OSBPL9: variants seen among roughly 807,000 people sequenced by gnomAD.
OSBPL9 encodes the protein oxysterol binding protein like 9.
A neutral mutation model predicts 106.6 loss-of-function variants in OSBPL9; 40 were observed. The ratio of observed to expected loss-of-function variants is 0.38; its 90% CI spans 0.29 to 0.49. OSBPL9 has a LOEUF of 0.49. OSBPL9 is among the 20% of genes least tolerant of loss of function. OSBPL9 has a pLI of 0.97. For missense variants in OSBPL9, 609 were observed against 887.2 expected (o/e 0.69, Z 3.98); for synonymous variants, 269 against 295.4 (o/e 0.91, Z 0.92).
chr1:51,556,647 A>T, the OSBPL9 span, among the ~76,000 whole-genome samples: 1 of 152,138 alleles, frequency 6.6e-6, no homozygotes, highest in East Asian at 1.9e-4. Flanking sequence ...TTAGCTGGGC[A>T]TGGTGGCGGA....
intron 14 of OSBPL9, among the ~76,000 whole-genome samples, chr1:51,775,754 G>A (rs1398203907): frequency 6.6e-6 from 1 of 152,070 alleles, no homozygotes; most frequent in East Asian, 1.9e-4. Flanking sequence ...GGGACTACGG[G>A]TGTGCGCCAC....
chr1:51,638,071 CTT>C (rs1348110629), intron 1 of OSBPL9, among the ~76,000 whole-genome samples: 2 of 152,120 alleles, frequency 1.3e-5, no homozygotes, highest in Non-Finnish European at 2.9e-5. Flanking sequence ...ATATATGTCT[CTT>C]TTCTTTAAGG....
At chr1:51,675,000 T>C (rs1366978283) in intron 3 of OSBPL9, among the ~76,000 whole-genome samples, 1 of 152,248 alleles carries the variant, frequency 6.6e-6, no homozygotes, top group Non-Finnish European at 1.5e-5. Context: ...ACATGCAGCC[T>C]GTGGGCAGCA....
intron 12 of OSBPL9, among the ~76,000 whole-genome samples, chr1:51,768,982 A>T (rs1294517086): frequency 1.3e-5 from 2 of 152,222 alleles, no homozygotes; most frequent in African/African-American, 4.8e-5. Context: ...CAAACCAGTA[A>T]GGACTGCAGA....
Position 51,690,682 on chromosome 1 carries a change from G to A in OSBPL9, c.241+21170G>A, listed in dbSNP as rs546062628. Among the ~76,000 whole-genome samples, 27 of 152,256 alleles carry A rather than the reference G, an allele frequency of 1.8e-4. No homozygotes were observed. In the South Asian group the frequency reaches 5.4e-3, roughly 30 times the overall value. Reference sequence around the variant, plus strand: ...ACCTATATGGGTGGCATTATTCTAGGGGCTTGGGATACATCAATATATAAA... The same window carrying A: ...ACCTATATGGGTGGCATTATTCTAGAGGCTTGGGATACATCAATATATAAA... On this transcript the variant is annotated intron_variant, in intron 3 of 23. Coordinates refer to ENST00000428468, the MANE Select transcript of OSBPL9 (RefSeq NM_024586.6).
At chr1:51,734,620 G>GAATTTTC (rs1352980017) in intron 4 of OSBPL9, among the ~76,000 whole-genome samples, 3 of 152,140 alleles carry the variant, frequency 2.0e-5, no homozygotes, top group Non-Finnish European at 4.4e-5. Context: ...GAGCTGGAGA[G>GAATTTTC]AATTTTCAAA....
chr1:51,673,087 G>A (rs975169502), intron 3 of OSBPL9, among the ~76,000 whole-genome samples: 3 of 152,146 alleles, frequency 2.0e-5, no homozygotes, highest in African/African-American at 4.8e-5. Flanking sequence ...TTGAGAGGGC[G>A]CAAGATGAGG....
chr1:51,690,889 A>T (rs1295943084), intron 3 of OSBPL9, among the ~76,000 whole-genome samples: 1 of 152,258 alleles, frequency 6.6e-6, no homozygotes, highest in East Asian at 1.9e-4. Context: ...CCTAGATGGG[A>T]TAGCCTAATG....
rs143049181 is a variant in OSBPL9 at position 51,766,322 on chromosome 1, A to G, written c.938+341A>G. Among the ~76,000 whole-genome samples, 70 of 152,346 alleles carry G rather than the reference A, an allele frequency of 4.6e-4. 1 individual carries two copies. In the East Asian group the frequency reaches 0.013, roughly 29 times the overall value. ...AGTACCAACATTAGGAGAGGGTCCAATGAGAGTGAATAAGCTATGAAGCAT... is the reference window on the plus strand; with the variant it reads ...AGTACCAACATTAGGAGAGGGTCCAGTGAGAGTGAATAAGCTATGAAGCAT... On this transcript the variant is annotated intron_variant, in intron 12 of 23. Coordinates refer to ENST00000428468, the MANE Select transcript of OSBPL9 (RefSeq NM_024586.6).
intron 8 of OSBPL9, among the ~76,000 whole-genome samples, chr1:51,750,977 C>A (rs772453836): frequency 2.6e-5 from 4 of 152,150 alleles, no homozygotes; most frequent in Non-Finnish European, 5.9e-5. Flanking sequence ...TTTTAACCTA[C>A]TGTTGTTAAT....
At chr1:51,724,031 C>A (rs1662642451) in intron 4 of OSBPL9, among the ~76,000 whole-genome samples, 1 of 152,158 alleles carries the variant, frequency 6.6e-6, no homozygotes, top group Non-Finnish European at 1.5e-5. Context: ...ACTGAAACCT[C>A]CACCTCCCAG....
chr1:51,676,088 A>G (rs1651117230), intron 3 of OSBPL9, among the ~76,000 whole-genome samples: 1 of 152,170 alleles, frequency 6.6e-6, no homozygotes, highest in Non-Finnish European at 1.5e-5. Flanking sequence ...CCCTAGAGCC[A>G]TTTTCCTCTT....
At position 51,748,317 on chromosome 1, in the gene OSBPL9, G is replaced by A. The variant is rs879725769; in HGVS notation, c.463-52G>A. The stretch of plus-strand genomic sequence containing the variant: ...AATGACTAGCCAGTAAAAAATAACC[G>A]TCCTTCTTTGTGCTTCTGATTATTT... On this transcript the variant is annotated intron_variant, in intron 6 of 23. Transcript: ENST00000428468. 5.6e-5 allele frequency: 84 copies of A among 1,495,422 alleles called. No individual in the cohort carries two copies. The Admixed American group carries it at 1.9e-3, about 33-fold the overall frequency. 92.6% of individuals were successfully genotyped at this position (1,495,422 alleles called of 1,614,324 possible).
chr1:51,559,674 A>G, the OSBPL9 span, among the ~76,000 whole-genome samples: 1 of 152,222 alleles, frequency 6.6e-6, no homozygotes, highest in South Asian at 2.1e-4. Context: ...GATAGAACCC[A>G]GAGCAATTAG....
intron 3 of OSBPL9, among the ~76,000 whole-genome samples, chr1:51,686,641 G>A (rs1653865618): frequency 6.6e-6 from 1 of 152,232 alleles, no homozygotes; most frequent in South Asian, 2.1e-4. Context: ...GCATTGGTTG[G>A]AAAAGATGGG....
intron 2 of OSBPL9, among the ~76,000 whole-genome samples, chr1:51,601,227 A>G (rs1570539019): frequency 6.6e-6 from 1 of 152,244 alleles, no homozygotes; most frequent in Non-Finnish European, 1.5e-5. Flanking sequence ...AAGTGAGTGC[A>G]TAAATTATGC....
intron 1 of OSBPL9, among the ~76,000 whole-genome samples, chr1:51,645,075 C>T (rs1646066346): frequency 6.6e-6 from 1 of 152,182 alleles, no homozygotes; most frequent in African/African-American, 2.4e-5. Flanking sequence ...CTTTGCCTTT[C>T]CACCCTCTGC....
chr1:51,690,589 A>G (rs1207984879), intron 3 of OSBPL9, among the ~76,000 whole-genome samples: 1 of 152,200 alleles, frequency 6.6e-6, no homozygotes, highest in African/African-American at 2.4e-5. Context: ...TAAATATAAT[A>G]ATGGAACCCT....
At chr1:51,659,570 C>T (rs1647015356) in intron 2 of OSBPL9, among the ~76,000 whole-genome samples, 5 of 151,068 alleles carry the variant, frequency 3.3e-5, no homozygotes, top group Admixed American at 2.6e-4. Context: ...GGGAAATAAA[C>T]AGTAGAGAGC....
Sources: allele counts gnomAD v4.1 joint callset (sites outside exome capture counted in the v4.1 genomes callset), GRCh38; gene constraint gnomAD v4.1.1; transcripts MANE v1.5; gene names NCBI Gene and HGNC (gene_info 2026-07-23, HGNC 2026-07-21).